RAD54L2: variants seen among roughly 807,000 people sequenced by gnomAD.
The protein encoded by RAD54L2 is RAD54 like 2.
In RAD54L2, 27 loss-of-function variants were observed where a neutral mutation model predicts 138.4. The ratio of observed to expected loss-of-function variants is 0.20; its 90% CI spans 0.14 to 0.27. The LOEUF (loss-of-function observed/expected upper bound fraction) is 0.27. RAD54L2 is among the 10% of genes least tolerant of loss of function. RAD54L2 has a pLI of 1.00. For missense variants in RAD54L2, 1,396 were observed against 1,890.2 expected (o/e 0.74, Z 4.85); for synonymous variants, 644 against 723.2 (o/e 0.89, Z 1.76).
intron 7 of RAD54L2, among the ~76,000 whole-genome samples, chr3:51,631,223 A>G (rs911671099): frequency 2.6e-5 from 4 of 152,160 alleles, no homozygotes; most frequent in Admixed American, 6.5e-5. Flanking sequence ...GTGGGATCCC[A>G]TGACTGAGGT....
intron 3 of RAD54L2, among the ~76,000 whole-genome samples, chr3:51,610,757 C>T (rs1264736171): frequency 2.6e-5 from 4 of 152,038 alleles, no homozygotes; most frequent in African/African-American, 9.7e-5. Context: ...TCTGGAGATG[C>T]TAGGAGAGAG....
chr3:51,633,545 C>T (rs755532800), intron 7 of RAD54L2, 32 bp from the exon 8 acceptor site: 30 of 1,580,612 alleles, frequency 1.9e-5, no homozygotes, highest in Non-Finnish European at 2.5e-5. Context: ...TCTTTGTGAG[C>T]CCCTCTGACA....
At chr3:51,619,107 G>A (rs545467679) in intron 3 of RAD54L2, among the ~76,000 whole-genome samples, 4 of 152,274 alleles carry the variant, frequency 2.6e-5, no homozygotes, top group South Asian at 4.1e-4. Context: ...GCCCAGGCTG[G>A]AGTGCAGTGG....
intron 2 of RAD54L2, among the ~76,000 whole-genome samples, chr3:51,545,122 T>TCTA (rs1698653635): frequency 6.6e-6 from 1 of 152,208 alleles, no homozygotes; most frequent in Non-Finnish European, 1.5e-5. Context: ...AGCTGTATGT[T>TCTA]CTGAGTTATT....
rs749768111 is a variant in RAD54L2, at chr3:51,633,988, A to G, written c.1095A>G (p.Glu365=). ...EALPADNKPE[E]VQPRFFKVHI... is the part of the protein sequence containing the mutation. ...TCCCGGCTGACAACAAGCCTGAAGA[A>G]GTCCAGCCTCGGTTCTTTAAAGTTC... Residue 365 remains glutamate, a synonymous_variant, in exon 9 of 23, where the codon GAA becomes GAG. Transcript: ENST00000684192. 19 of 1,613,854 alleles carry G rather than the reference A, an allele frequency of 1.2e-5. No individual in the cohort carries two copies. The highest frequency in any genetic ancestry group is 1.7e-5 in the Admixed American group (1 of 59,990).
intron 2 of RAD54L2, among the ~76,000 whole-genome samples, chr3:51,589,341 G>T (rs1482278315): frequency 6.6e-6 from 1 of 152,106 alleles, no homozygotes; most frequent in African/African-American, 2.4e-5. Context: ...AGGCTGCAGT[G>T]AGCTATGATT....
chr3:51,544,456 C>T (rs1469075546), intron 2 of RAD54L2, among the ~76,000 whole-genome samples: 1 of 152,156 alleles, frequency 6.6e-6, no homozygotes, highest in Non-Finnish European at 1.5e-5. Context: ...TGTGACAGTT[C>T]TTCATTGGTA....
chr3:51,648,175 C>G (rs1219072847), intron 19 of RAD54L2, among the ~76,000 whole-genome samples: 1 of 152,224 alleles, frequency 6.6e-6, no homozygotes, highest in Non-Finnish European at 1.5e-5. Flanking sequence ...GTCCCACACC[C>G]ACGGAGCCTT....
intron 16 of RAD54L2, among the ~76,000 whole-genome samples, chr3:51,644,735 C>T (rs140408858): frequency 1.1e-4 from 17 of 152,278 alleles, no homozygotes; most frequent in Middle Eastern, 3.4e-3. Flanking sequence ...AGAAGTTTCC[C>T]CTCACCAAGG....
intron 5 of RAD54L2, 131 bp downstream of exon 5, chr3:51,629,604 A>G (rs949274026): frequency 1.0e-4 from 120 of 1,185,744 alleles, no homozygotes; most frequent in Admixed American, 1.4e-4. Context: ...CACGCCTGTA[A>G]TCCCAGCATT....
intron 3 of RAD54L2, among the ~76,000 whole-genome samples, chr3:51,618,138 T>C (rs1700490699): frequency 6.7e-6 from 1 of 149,818 alleles, no homozygotes; most frequent in African/African-American, 2.4e-5. Flanking sequence ...TTTTGTATTT[T>C]TTTTTTTTTT....
At position 51,638,609 on chromosome 3, in the gene RAD54L2, G is replaced by T; in HGVS notation, c.1860+288G>T. ...AGGGGATTAATGGAAAAATACTGTGGGGCAGCGTTTTTGACTGCTAGCATA... is the reference window on the plus strand; with the variant it reads ...AGGGGATTAATGGAAAAATACTGTGTGGCAGCGTTTTTGACTGCTAGCATA... On this transcript the variant is annotated intron_variant, in intron 12 of 22. Transcript: ENST00000684192. This position sits in a 1 kb window ranked among gnomAD's most constrained non-coding sequence, Gnocchi z 4.3. 3.1e-6 allele frequency: 1 copy of T among 322,628 alleles called. No homozygotes were observed. The highest frequency in any genetic ancestry group is 5.7e-6 in the Non-Finnish European group (1 of 176,308). The allele number at this position is 322,628 out of a possible 1,614,324, so 20.0% of individuals were successfully genotyped here.
chr3:51,558,479 T>TCTCTC, intron 2 of RAD54L2, among the ~76,000 whole-genome samples: 1 of 90,924 alleles, frequency 1.1e-5, no homozygotes, highest in Non-Finnish European at 2.3e-5. Flanking sequence ...CTCTCTCTCT[T>TCTCTC]TTTTGAGACA....
intron 22 of RAD54L2, 72 bp downstream of exon 22, chr3:51,660,190 C>A: frequency 8.1e-7 from 1 of 1,237,204 alleles, no homozygotes; most frequent in Non-Finnish European, 1.1e-6. Context: ...TAGGTATTAA[C>A]TTATTATGTG....
chr3:51,657,815 G>T, intron 21 of RAD54L2, 146 bp downstream of exon 21: 1 of 556,998 alleles, frequency 1.8e-6, no homozygotes. Context: ...TGAGAAAATA[G>T]CATTTGTAGG....
chr3:51,562,344 G>A (rs145854861), intron 2 of RAD54L2, among the ~76,000 whole-genome samples: 1,582 of 151,962 alleles, frequency 0.01, 19 homozygotes, highest in Non-Finnish European at 0.018. Flanking sequence ...CAATTCTCCC[G>A]CCTCAGCCTC....
intron 2 of RAD54L2, among the ~76,000 whole-genome samples, chr3:51,569,897 T>A (rs1347996450): frequency 6.6e-6 from 1 of 151,918 alleles, no homozygotes; most frequent in Non-Finnish European, 1.5e-5. Context: ...TGCAGTGATG[T>A]GATCACAATT....
intron 19 of RAD54L2, among the ~76,000 whole-genome samples, chr3:51,650,726 C>A (rs897656137): frequency 1.3e-5 from 2 of 152,190 alleles, no homozygotes; most frequent in Non-Finnish European, 2.9e-5. Context: ...TAAAGATGTT[C>A]TTTGAAACCA....
At position 51,608,695 on chromosome 3, in the gene RAD54L2, G is replaced by A. The variant is rs558694814; in HGVS notation, c.139+18136G>A. Among the ~76,000 whole-genome samples the A allele has an allele frequency of 3.9e-5, 6 of 152,294 alleles. No individual in the cohort carries two copies. In the East Asian group the frequency reaches 5.8e-4, roughly 15 times the overall value. ...ACGAAAACCAGTCAGGTGTGGCGGC[G>A]CACGCCTGCAATCCCAGGCACTCGG... On this transcript the variant is annotated intron_variant, in intron 3 of 22. Coordinates refer to ENST00000684192, the MANE Select transcript of RAD54L2 (RefSeq NM_015106.4).
Sources: gnomAD v4.1 joint callset for allele counts (sites outside exome capture counted in the v4.1 genomes callset) on GRCh38, gnomAD v4.1.1 for gene constraint, Gnocchi (gnomAD v3.1) non-coding constraint, MANE v1.5 for transcripts, NCBI Gene and HGNC (gene_info 2026-07-23, HGNC 2026-07-21) for gene names.